Variants in DNAH2 observed in about 807,000 individuals in gnomAD.
DNAH2 encodes axonemal beta dynein heavy chain 2.
A neutral mutation model predicts 523.5 loss-of-function variants in DNAH2; 323 were observed. The ratio of observed to expected loss-of-function variants is 0.62; its 90% CI spans 0.56 to 0.68. DNAH2 has a LOEUF of 0.68. Among genes scored for constraint, DNAH2 ranks in the 30% least tolerant of loss-of-function variants. The probability of loss-of-function intolerance (pLI) is 0.00; values close to 1 mark genes in which losing one functional copy is unlikely to be tolerated. For missense variants in DNAH2, 4,907 were observed against 5,701.5 expected (o/e 0.86, Z 4.49); for synonymous variants, 2,093 against 2,177.4 (o/e 0.96, Z 1.08).
chr17:7,764,196 A>G lies in DNAH2; in HGVS notation c.3259A>G (p.Asn1087Asp), dbSNP rs1567659607. ...LVDALKHDLA[N>D]VETQIPPIHE... ...GGATGCCCTGAAGCACGACTTGGCC[A>G]ACGTGGAGACTCAGATCCCTCCCAT... The change falls in exon 20 of 86, where the codon AAC (asparagine) becomes GAC (aspartate). Residue 1087 changes from asparagine to aspartate, a missense_variant. By Grantham distance (23) the Asn-to-Asp change is conservative. Coordinates refer to ENST00000572933, the MANE Select transcript of DNAH2 (RefSeq NM_020877.5). The G allele has an allele frequency of 1.2e-6, 2 of 1,614,192 alleles. No individual in the cohort carries two copies. The highest frequency in any genetic ancestry group is 1.7e-6 in the Non-Finnish European group (2 of 1,180,018).
At chr17:7,817,881 G>C in intron 67 of DNAH2, 25 bp downstream of exon 67, 4 of 1,612,580 alleles carry the variant, frequency 2.5e-6, no homozygotes, top group Non-Finnish European at 3.4e-6. Flanking sequence ...GGTCAGGTTA[G>C]CCCCCCCCTT....
chr17:7,819,006 G>GA lies in DNAH2; in HGVS notation c.10759dup (p.Thr3587AsnfsTer2), dbSNP rs1567752856. On this transcript the variant is annotated frameshift_variant, in exon 71 of 86. Coordinates refer to ENST00000572933, the MANE Select transcript of DNAH2 (RefSeq NM_020877.5). LOFTEE classifies it high-confidence loss of function. ...CCTCCAAGATCACAGCCACAGAGGT[G>GA]ACTGAGCAGCTGGAGACCAGTGAGA... 6.2e-7 allele frequency: 1 copy of GA among 1,610,704 alleles called. No homozygotes were observed. The highest frequency in any genetic ancestry group is 8.5e-7 in the Non-Finnish European group (1 of 1,179,920).
chr17:7,740,756 G>A (rs2075289255), intron 10 of DNAH2, 54 bp from the exon 11 acceptor site: 8 of 1,573,428 alleles, frequency 5.1e-6, no homozygotes, highest in Non-Finnish European at 6.1e-6. Flanking sequence ...ATGAGTGACC[G>A]GAGGGAACCC....
intron 46 of DNAH2, 147 bp downstream of exon 46, chr17:7,792,490 G>A (rs1426784952): frequency 1.5e-5 from 15 of 997,564 alleles, no homozygotes; most frequent in South Asian, 2.9e-5. Context: ...GACAGGAAGC[G>A]GGACCTAGAG....
intron 3 of DNAH2, among the ~76,000 whole-genome samples, chr17:7,724,855 T>TCCTTAG (rs1281835991): frequency 6.7e-6 from 1 of 149,416 alleles, no homozygotes; most frequent in Admixed American, 6.7e-5. Flanking sequence ...TGATTCTCCC[T>TCCTTAG]CCTTAGCCTC....
At position 7,807,439 on chromosome 17, in the gene DNAH2, C is replaced by T. The variant is rs115945656; in HGVS notation, c.9613-31C>T. On this transcript the variant is annotated intron_variant, in intron 62 of 85. Transcript: ENST00000572933. This position sits in a 1 kb window ranked among gnomAD's most constrained non-coding sequence, Gnocchi z 5.6. ...GTGAGGGGGTTGGTGGGTTGGTGGGCGACTCCCACAGCCTGACTGTCTCCC... is the reference window on the plus strand; with the variant it reads ...GTGAGGGGGTTGGTGGGTTGGTGGGTGACTCCCACAGCCTGACTGTCTCCC... 396 of 1,609,726 alleles carry T rather than the reference C, an allele frequency of 2.5e-4. No individual in the cohort carries two copies. The highest frequency in any genetic ancestry group is 3.8e-4 in the East Asian group (17 of 44,860).
At position 7,734,227 on chromosome 17, in the gene DNAH2, G is replaced by C; in HGVS notation, c.673G>C (p.Ala225Pro). The C allele has an allele frequency of 6.2e-7, 1 of 1,605,990 alleles. No homozygotes were observed. Among genetic ancestry groups the C allele is most frequent in the South Asian group, 1.1e-5 (1 of 89,446 alleles). ...LEGHTVLYIPAEAMNMKPEMV... is the reference protein window; with the variant it reads ...LEGHTVLYIPPEAMNMKPEMV... ...GGGGCACACGGTCCTCTACATCCCT[G>C]CAGAGGCCATGAACATGAAGCCTGA... The change falls in exon 6 of 86, where the codon GCA (alanine) becomes CCA (proline). Residue 225 changes from alanine (A) to proline (P), a missense_variant. Ala to Pro is a conservative substitution (Grantham distance 27). Around this residue, in one of 3 missense-constraint regions of DNAH2, gnomAD observed 2,806 missense variants for 3,190.8 expected, o/e 0.88. Transcript: ENST00000572933.
In DNAH2 at chr17:7,830,862, G is replaced by A; in HGVS notation, c.12230+20G>A. The A allele has an allele frequency of 6.2e-7, 1 of 1,613,400 alleles. No individual in the cohort carries two copies. The highest frequency in any genetic ancestry group is 8.5e-7 in the Non-Finnish European group (1 of 1,179,752). ...CCACCGGTGAGGGGGAGGTGGCCCT[G>A]GACAGGGAGCCAGAGGTCACAAGTC... On this transcript the variant is annotated intron_variant, in intron 79 of 85. Coordinates refer to ENST00000572933, the MANE Select transcript of DNAH2 (RefSeq NM_020877.5).
Position 7,817,814 on chromosome 17 carries a change from G to C in DNAH2, c.10194G>C (p.Gln3398His). The C allele has an allele frequency of 6.2e-7, 1 of 1,614,132 alleles. No individual in the cohort carries two copies. The highest frequency in any genetic ancestry group is 1.7e-5 in the Admixed American group (1 of 60,024). Residue 3398 changes from glutamine (Q) to histidine (H), a missense_variant, in exon 67 of 86, where the codon CAG (glutamine) becomes CAC (histidine). Gln to His is a conservative substitution (Grantham distance 24). Coordinates refer to ENST00000572933, the MANE Select transcript of DNAH2 (RefSeq NM_020877.5). Reference sequence around the variant, plus strand: ...GGTGGGCACTGATGATCGACCCTCAGGCCCAGGCCCTGAAATGGATTAAGA... The same window carrying C: ...GGTGGGCACTGATGATCGACCCTCACGCCCAGGCCCTGAAATGGATTAAGA... ...GNRWALMIDP[Q>H]AQALKWIKNM...
chr17:7,818,503 G>T (rs1106826), intron 69 of DNAH2, 43 bp downstream of exon 69: 127,329 of 1,607,780 alleles, frequency 0.079, 9,079 homozygotes, highest in African/African-American at 0.32. Flanking sequence ...GGTGAAGCAG[G>T]AAGAGTTTGG....
chr17:7,804,531 C>CATGGGTT, intron 59 of DNAH2, 65 bp downstream of exon 59: 1 of 1,547,218 alleles, frequency 6.5e-7, no homozygotes, highest in Non-Finnish European at 8.8e-7. Flanking sequence ...CGTCAGGGAA[C>CATGGGTT]CCATGTTCCC....
intron 22 of DNAH2, among the ~76,000 whole-genome samples, chr17:7,767,426 C>T (rs1567665818): frequency 6.6e-6 from 1 of 152,076 alleles, no homozygotes; most frequent in East Asian, 1.9e-4. Flanking sequence ...GTCTGAACAC[C>T]TGTTCCCTAT....
chr17:7,758,493 A>AT lies in DNAH2; in HGVS notation c.2052-2_2052-1insT. On this transcript the variant is annotated splice_acceptor_variant, in intron 13 of 85. Transcript: ENST00000572933. LOFTEE classifies it high-confidence loss of function. ...TGGATACCAGGCCTCTCTTATGCAC[A>AT]GGATTATTGCCATGCTGTCCCCAGA... is the stretch of plus-strand genomic sequence containing the variant. The AT allele has an allele frequency of 6.2e-7, 1 of 1,613,218 alleles. No individual in the cohort carries two copies. The highest frequency in any genetic ancestry group is 8.5e-7 in the Non-Finnish European group (1 of 1,179,640).
At chr17:7,819,971 T>G (rs964529223) in intron 72 of DNAH2, among the ~76,000 whole-genome samples, 1 of 152,144 alleles carries the variant, frequency 6.6e-6, no homozygotes, top group Non-Finnish European at 1.5e-5. Flanking sequence ...TTATCCTTTA[T>G]TTTTTATAAT....
chr17:7,752,590 G>A (rs1248149140), intron 12 of DNAH2, among the ~76,000 whole-genome samples: 2 of 152,008 alleles, frequency 1.3e-5, no homozygotes, highest in Non-Finnish European at 2.9e-5. Context: ...GGCGCCTGTA[G>A]TCCCAGCTAC....
intron 24 of DNAH2, among the ~76,000 whole-genome samples, chr17:7,769,963 T>C (rs540832824): frequency 3.3e-5 from 5 of 152,304 alleles, no homozygotes; most frequent in Non-Finnish European, 7.4e-5. Flanking sequence ...TATGAGATGT[T>C]TCATGTAAGG....
rs922861780 is a variant in DNAH2, at chr17:7,807,726, T to C, written c.9729+140T>C. ...CATTCCAGTCCTGTCTCCTTCCCAC[T>C]CTGTGCCCTGTTTAGACTGGGCTGC... On this transcript the variant is annotated intron_variant, in intron 63 of 85. Coordinates refer to ENST00000572933, the MANE Select transcript of DNAH2 (RefSeq NM_020877.5). The surrounding 1 kb of genome is among the most constrained non-coding windows in gnomAD (Gnocchi z 5.6). The C allele has an allele frequency of 8.0e-6, 6 of 751,094 alleles. No individual in the cohort carries two copies. The highest frequency in any genetic ancestry group is 1.3e-5 in the Non-Finnish European group (6 of 456,274). 46.5% of individuals were successfully genotyped at this position (751,094 alleles called of 1,614,324 possible). A position where few individuals can be genotyped will look rare whatever the true frequency, so the allele number is the denominator to read the frequency against.
intron 28 of DNAH2, among the ~76,000 whole-genome samples, chr17:7,773,472 C>G (rs912817413): frequency 3.3e-5 from 5 of 152,066 alleles, no homozygotes; most frequent in Non-Finnish European, 5.9e-5. Flanking sequence ...CAGTGTCCCC[C>G]CCACCCACTG....
intron 3 of DNAH2, among the ~76,000 whole-genome samples, chr17:7,724,430 C>T (rs1453371179): frequency 6.6e-6 from 1 of 151,958 alleles, no homozygotes; most frequent in South Asian, 2.1e-4. Flanking sequence ...ACCAGCCTGG[C>T]CAACATAGTG....
Sources: gnomAD v4.1 joint callset for allele counts (sites outside exome capture counted in the v4.1 genomes callset) on GRCh38, gnomAD v4.1.1 for gene constraint, gnomAD v4.1.1 regional missense constraint, Gnocchi (gnomAD v3.1) non-coding constraint, MANE v1.5 for transcripts, NCBI Gene and HGNC (gene_info 2026-07-23, HGNC 2026-07-21) for gene names.